The following KIF3C variants were observed in gnomAD, a reference collection of about 807,000 sequenced individuals.
The protein encoded by KIF3C is kinesin family member 3C.
KIF3C carries 12 observed loss-of-function variants against 67.7 expected under a neutral mutation model. That is an observed-to-expected ratio of 0.18 (90% CI 0.11 to 0.29). KIF3C has a LOEUF of 0.29. KIF3C is among the 10% of genes least tolerant of loss of function. The probability of loss-of-function intolerance (pLI) is 1.00; values close to 1 mark genes in which losing one functional copy is unlikely to be tolerated. For synonymous variants in KIF3C, 393 were observed against 426.2 expected (o/e 0.92, Z 0.96); for missense variants, 789 against 1,059.6 (o/e 0.74, Z 3.55).
chr2:25,981,903 G>T lies in KIF3C; in HGVS notation c.15C>A (p.Thr5=). The T allele has an allele frequency of 6.4e-7, 1 of 1,554,044 alleles. No individual in the cohort carries two copies. Among genetic ancestry groups the T allele is most frequent in the South Asian group, 1.2e-5 (1 of 83,606 alleles). The change falls in exon 1 of 8, where the codon ACC becomes ACA. Residue 5 remains threonine (T), a synonymous_variant. Coordinates refer to ENST00000264712, the MANE Select transcript of KIF3C (RefSeq NM_002254.8). The surrounding 1 kb of genome is among the most constrained non-coding windows in gnomAD (Gnocchi z 8.2). The part of the protein sequence containing the change: MASK[T]KASEALKVVA... ...CCACCTTGAGGGCCTCGCTGGCCTT[G>T]GTCTTACTGGCCATCTTGCTGCTCT... is the stretch of plus-strand genomic sequence containing the variant.
chr2:25,930,977 C>A (rs1338217959), intron 5 of KIF3C, among the ~76,000 whole-genome samples: 2 of 152,184 alleles, frequency 1.3e-5, no homozygotes, highest in Non-Finnish European at 2.9e-5. Flanking sequence ...TCAGCCACTG[C>A]ACCCAGCCTT....
intron 5 of KIF3C, among the ~76,000 whole-genome samples, chr2:25,936,114 C>A (rs1250151900): frequency 6.0e-5 from 9 of 151,160 alleles, no homozygotes; most frequent in African/African-American, 1.9e-4. Context: ...CAAAACAAAA[C>A]AAAAAAATTT....
intron 1 of KIF3C, among the ~76,000 whole-genome samples, chr2:25,960,803 G>A (rs1000529616): frequency 2.6e-5 from 4 of 152,166 alleles, no homozygotes; most frequent in Admixed American, 6.5e-5. Context: ...AGGCATGGTG[G>A]TGTGGGCCTG....
At chr2:25,963,040 T>TA (rs1329418719) in intron 1 of KIF3C, among the ~76,000 whole-genome samples, 11 of 55,354 alleles carry the variant, frequency 2.0e-4, no homozygotes, top group South Asian at 4.1e-4. Flanking sequence ...ATATAATATA[T>TA]AATATATAAA....
chr2:25,929,258 C>T (rs2090437519), intron 7 of KIF3C, 47 bp downstream of exon 7: 1 of 1,591,446 alleles, frequency 6.3e-7, no homozygotes, highest in African/African-American at 1.3e-5. Context: ...CCTGCAGTTC[C>T]CCTGCCTCCT....
In KIF3C at chr2:25,954,168, G is replaced by A. The variant is rs567246773; in HGVS notation, c.1889+99C>T. ...CGCATTTTATTCCTAAAGGACTCAT[G>A]GGAGAGGAGACAGTCAGGATGAGGC... is the stretch of plus-strand genomic sequence containing the variant. On this transcript the variant is annotated intron_variant, in intron 4 of 7. Coordinates refer to ENST00000264712, the MANE Select transcript of KIF3C (RefSeq NM_002254.8). The A allele has an allele frequency of 1.0e-4, 86 of 862,080 alleles. 1 individual carries two copies. In the South Asian group the frequency reaches 1.1e-3, roughly 11 times the overall value. 53.4% of individuals were successfully genotyped at this position (862,080 alleles called of 1,614,324 possible).
At position 25,958,880 on chromosome 2, in the gene KIF3C, G is replaced by C. The variant is rs573069324; in HGVS notation, c.1546-2436C>G. On this transcript the variant is annotated intron_variant, in intron 1 of 7. Coordinates refer to ENST00000264712, the MANE Select transcript of KIF3C (RefSeq NM_002254.8). This position sits in a 1 kb window ranked among gnomAD's most constrained non-coding sequence, Gnocchi z 4.5. ...ACCTGAGGTTGGGAGTTCGAGACCA[G>C]TCTGACCAACATGGAGAAACCCCAT... 2.9e-4 allele frequency among the ~76,000 whole-genome samples: 44 copies of C among 152,252 alleles called. 1 individual carries two copies. The highest frequency in any genetic ancestry group is 9.4e-4 in the African/African-American group (39 of 41,568).
chr2:25,929,688 T>G (rs1390815411), intron 6 of KIF3C, among the ~76,000 whole-genome samples: 4 of 151,766 alleles, frequency 2.6e-5, no homozygotes, highest in Non-Finnish European at 5.9e-5. Flanking sequence ...CAATCTCGGC[T>G]CACTGCAACC....
At chr2:25,949,469 G>C (rs920664272) in intron 5 of KIF3C, among the ~76,000 whole-genome samples, 1 of 152,010 alleles carries the variant, frequency 6.6e-6, no homozygotes, top group Non-Finnish European at 1.5e-5. Context: ...CATGAGCCTG[G>C]GGAGGCTGAG....
chr2:25,968,434 A>C (rs1298695881), intron 1 of KIF3C, among the ~76,000 whole-genome samples: 1 of 152,182 alleles, frequency 6.6e-6, no homozygotes, highest in Non-Finnish European at 1.5e-5. Context: ...GAAAAAAAGC[A>C]GGAAGGAAAC....
chr2:25,931,301 A>G (rs1326145442), intron 5 of KIF3C, among the ~76,000 whole-genome samples: 2 of 151,960 alleles, frequency 1.3e-5, no homozygotes, highest in African/African-American at 4.8e-5. Context: ...TACTAAAAAT[A>G]CAAAAAATTA....
chr2:25,974,061 CTT>C (rs1377216854), intron 1 of KIF3C, among the ~76,000 whole-genome samples: 6 of 152,102 alleles, frequency 3.9e-5, no homozygotes, highest in African/African-American at 1.4e-4. Context: ...TGTTCGTTCT[CTT>C]GTTTAATTCT....
intron 5 of KIF3C, among the ~76,000 whole-genome samples, chr2:25,932,121 C>G (rs912479044): frequency 7.3e-5 from 11 of 151,564 alleles, no homozygotes; most frequent in African/African-American, 2.7e-4. Flanking sequence ...CCTGCCTCAG[C>G]CTCCCGAATA....
intron 5 of KIF3C, among the ~76,000 whole-genome samples, chr2:25,946,982 T>C (rs1663458615): frequency 6.6e-6 from 1 of 151,752 alleles, no homozygotes; most frequent in Non-Finnish European, 1.5e-5. Context: ...TGAAACCCTG[T>C]CTCTACTAAA....
At chr2:25,978,306 G>C (rs1354907995) in intron 1 of KIF3C, among the ~76,000 whole-genome samples, 1 of 152,098 alleles carries the variant, frequency 6.6e-6, no homozygotes, top group African/African-American at 2.4e-5. Context: ...CCACCCCTTG[G>C]GGTTGTTGGG....
At chr2:25,967,036 T>C (rs1237298707) in intron 1 of KIF3C, among the ~76,000 whole-genome samples, 3 of 152,232 alleles carry the variant, frequency 2.0e-5, no homozygotes, top group African/African-American at 7.2e-5. Flanking sequence ...CTCTGTTCCA[T>C]GGCTTTCTTC....
In KIF3C at chr2:25,932,035, C is replaced by T. The variant is rs190512635; in HGVS notation, c.2007-1972G>A. 3.8e-5 allele frequency among the ~76,000 whole-genome samples: 5 copies of T among 130,318 alleles called. No homozygotes were observed. The East Asian group carries it at 7.0e-4, about 18-fold the overall frequency. The allele number at this position is 130,318 out of a possible 152,430, so 85.5% of individuals were successfully genotyped here. ...TTTTTTTTTTTTGGAAACGGAGTCT[C>T]GCTGTCACCAGGCTGGAGTGCTGTG... On this transcript the variant is annotated intron_variant, in intron 5 of 7. Transcript: ENST00000264712.
Position 25,981,904 on chromosome 2 carries a change from G to A in KIF3C, c.14C>T (p.Thr5Ile). Residue 5 changes from threonine (T) to isoleucine (I), a missense_variant, in exon 1 of 8, where the codon ACC becomes ATC. Thr to Ile is a moderately conservative substitution (Grantham distance 89). Transcript: ENST00000264712. This position sits in a 1 kb window ranked among gnomAD's most constrained non-coding sequence, Gnocchi z 8.2. MASK[T>I]KASEALKVVA... ...CACCTTGAGGGCCTCGCTGGCCTTG[G>A]TCTTACTGGCCATCTTGCTGCTCTG... The A allele has an allele frequency of 6.4e-7, 1 of 1,554,322 alleles. No individual in the cohort carries two copies. Among genetic ancestry groups the A allele is most frequent in the Non-Finnish European group, 8.7e-7 (1 of 1,152,896 alleles).
At chr2:25,978,625 A>T (rs567810487) in intron 1 of KIF3C, among the ~76,000 whole-genome samples, 48 of 151,954 alleles carry the variant, frequency 3.2e-4, no homozygotes, top group Non-Finnish European at 6.5e-4. Context: ...CCTTAGATCC[A>T]AGGATCTCAC....
Sources: allele counts gnomAD v4.1 joint callset (sites outside exome capture counted in the v4.1 genomes callset), GRCh38; gene constraint gnomAD v4.1.1; non-coding constraint Gnocchi (gnomAD v3.1); transcripts MANE v1.5; gene names NCBI Gene and HGNC (gene_info 2026-07-23, HGNC 2026-07-21).